SAMTOR: variants seen among roughly 807,000 people sequenced by gnomAD.
SAMTOR encodes S-adenosylmethionine sensor upstream of mTORC1.
the SAMTOR span, among the ~76,000 whole-genome samples, chr7:112,841,140 A>G: frequency 1.3e-5 from 2 of 151,940 alleles, no homozygotes; most frequent in Admixed American, 1.3e-4. Flanking sequence ...AGGAAGCTAA[A>G]TTGTCTCTTT....
At chr7:112,893,905 A>G in the SAMTOR span, among the ~76,000 whole-genome samples, 2 of 152,240 alleles carry the variant, frequency 1.3e-5, no homozygotes, top group African/African-American at 4.8e-5. Flanking sequence ...CCGTCTCAAA[A>G]ATAAAATAAA....
chr7:112,906,490 A>G, the SAMTOR span, among the ~76,000 whole-genome samples: 2 of 152,160 alleles, frequency 1.3e-5, no homozygotes, highest in African/African-American at 4.8e-5. Flanking sequence ...CATAATCACT[A>G]TACAGAAAAC....
At chr7:112,847,922 T>G in the SAMTOR span, among the ~76,000 whole-genome samples, 1 of 152,184 alleles carries the variant, frequency 6.6e-6, no homozygotes, top group Non-Finnish European at 1.5e-5. Flanking sequence ...GAGGACTGCT[T>G]GAGACCAGAA....
At chr7:112,911,004 G>A in the SAMTOR span, among the ~76,000 whole-genome samples, 1 of 152,146 alleles carries the variant, frequency 6.6e-6, no homozygotes, top group Admixed American at 6.6e-5. Flanking sequence ...AGGGATCACA[G>A]GCACTGGGGA....
At chr7:112,933,939 C>T in the SAMTOR span, among the ~76,000 whole-genome samples, 1 of 152,188 alleles carries the variant, frequency 6.6e-6, no homozygotes, top group Non-Finnish European at 1.5e-5. Context: ...CCAAAACCAA[C>T]TGAAAATACT....
At chr7:112,923,055 A>C in the SAMTOR span, among the ~76,000 whole-genome samples, 1 of 152,372 alleles carries the variant, frequency 6.6e-6, no homozygotes, top group South Asian at 2.1e-4. Flanking sequence ...GGTGGGGAAA[A>C]GATTGAGAAA....
the SAMTOR span, among the ~76,000 whole-genome samples, chr7:112,858,998 CTT>C: frequency 6.6e-6 from 1 of 152,112 alleles, no homozygotes; most frequent in Non-Finnish European, 1.5e-5. Flanking sequence ...AATTAGCAGA[CTT>C]TGAGTAAAGC....
chr7:112,939,578 G>A, the SAMTOR span: 2 of 1,613,948 alleles, frequency 1.2e-6, no homozygotes, highest in African/African-American at 1.3e-5. Flanking sequence ...CCCTCACTCA[G>A]CGCGCTGTTT....
the SAMTOR span, among the ~76,000 whole-genome samples, chr7:112,822,596 T>C: frequency 1.3e-5 from 2 of 152,154 alleles, no homozygotes; most frequent in African/African-American, 4.8e-5. Flanking sequence ...TTTAAATATA[T>C]GTTTTTTGCC....
the SAMTOR span, among the ~76,000 whole-genome samples, chr7:112,867,031 G>C: frequency 6.6e-6 from 1 of 152,182 alleles, no homozygotes; most frequent in African/African-American, 2.4e-5. Context: ...TCAATTATAC[G>C]TTTTTGTAAT....
chr7:112,879,905 CAT>C, the SAMTOR span, among the ~76,000 whole-genome samples: 1 of 152,130 alleles, frequency 6.6e-6, no homozygotes, highest in African/African-American at 2.4e-5. Flanking sequence ...TATAATTTTA[CAT>C]ATAAGTCTAG....
At chr7:112,935,824 G>C in the SAMTOR span, among the ~76,000 whole-genome samples, 69 of 151,932 alleles carry the variant, frequency 4.5e-4, no homozygotes, top group Admixed American at 4.5e-3. Context: ...TTTAAGTTTA[G>C]AAAGAGAAAT....
At chr7:112,889,685 A>G in the SAMTOR span, among the ~76,000 whole-genome samples, 1 of 152,218 alleles carries the variant, frequency 6.6e-6, no homozygotes, top group African/African-American at 2.4e-5. Flanking sequence ...ATCATCAAAA[A>G]CAACTACTTT....
At chr7:112,884,662 C>T in the SAMTOR span, among the ~76,000 whole-genome samples, 3 of 152,224 alleles carry the variant, frequency 2.0e-5, no homozygotes, top group South Asian at 6.2e-4. Context: ...GGCAGCTCCA[C>T]CCCTGTGGCT....
the SAMTOR span, among the ~76,000 whole-genome samples, chr7:112,909,657 A>C: frequency 3.3e-5 from 5 of 152,218 alleles, no homozygotes; most frequent in East Asian, 7.7e-4. Context: ...GCAATTTTTA[A>C]ATCATTTTAT....
chr7:112,861,022 G>C, the SAMTOR span, among the ~76,000 whole-genome samples: 1 of 150,518 alleles, frequency 6.6e-6, no homozygotes, highest in African/African-American at 2.4e-5. Context: ...CCTGACAAAA[G>C]CTGGAAAAAA....
chr7:112,887,158 C>T, the SAMTOR span, among the ~76,000 whole-genome samples: 13 of 151,552 alleles, frequency 8.6e-5, no homozygotes, highest in Admixed American at 1.3e-4. Context: ...GGCTACAGAG[C>T]GAGACTCCAT....
the SAMTOR span, among the ~76,000 whole-genome samples, chr7:112,920,264 C>G: frequency 6.6e-6 from 1 of 152,180 alleles, no homozygotes; most frequent in Admixed American, 6.5e-5. Context: ...ATCAAGTGGG[C>G]TTCATCCCTG....
chr7:112,925,101 T>C, the SAMTOR span, among the ~76,000 whole-genome samples: 4 of 152,320 alleles, frequency 2.6e-5, no homozygotes, highest in South Asian at 8.3e-4. Flanking sequence ...TCCTCAGTTT[T>C]AGCAACATCT....
Sources: allele counts gnomAD v4.1 joint callset (sites outside exome capture counted in the v4.1 genomes callset), GRCh38; gene constraint gnomAD v4.1.1; transcripts MANE v1.5; gene names NCBI Gene and HGNC (gene_info 2026-07-23, HGNC 2026-07-21).